The following CELF2 variants were observed in gnomAD, a reference collection of about 807,000 sequenced individuals.
CELF2 encodes the protein CUG triplet repeat RNA-binding protein 2.
A neutral mutation model predicts 62.6 loss-of-function variants in CELF2; 8 were observed. The ratio of observed to expected loss-of-function variants is 0.13; its 90% CI spans 0.07 to 0.23. The LOEUF (loss-of-function observed/expected upper bound fraction) is 0.23. CELF2 is among the 10% of genes least tolerant of loss of function. CELF2 has a pLI of 1.00. For synonymous variants in CELF2, 258 were observed against 250.0 expected, an observed-to-expected ratio of 1.03 and a Z score of -0.30; for missense variants, 333 against 671.0, an observed-to-expected ratio of 0.50 and a Z score of 5.56.
intron 1 of CELF2, among the ~76,000 whole-genome samples, chr10:10,909,095 T>C (rs943363753): frequency 2.0e-5 from 3 of 152,224 alleles, no homozygotes; most frequent in African/African-American, 7.2e-5. Context: ...TGGCCGCTGG[T>C]GCATTTTTTA....
chr10:10,671,823 G>A, the CELF2 span, among the ~76,000 whole-genome samples: 4 of 151,896 alleles, frequency 2.6e-5, no homozygotes, highest in Admixed American at 2.0e-4. Flanking sequence ...TCTGCCTCCC[G>A]AGTTCAAGTG....
intron 9 of CELF2, among the ~76,000 whole-genome samples, chr10:11,313,622 A>T (rs2094710075): frequency 6.6e-6 from 1 of 152,202 alleles, no homozygotes. Context: ...AAGTGCTACC[A>T]CACACTTAAA....
intron 1 of CELF2, among the ~76,000 whole-genome samples, chr10:11,123,937 GAA>G (rs1305639460): frequency 6.6e-6 from 1 of 152,096 alleles, no homozygotes; most frequent in Non-Finnish European, 1.5e-5. Flanking sequence ...AATTTATAAA[GAA>G]AAAGAGGTTT....
intron 1 of CELF2, among the ~76,000 whole-genome samples, chr10:10,915,702 C>T (rs148223786): frequency 0.069 from 10,504 of 152,162 alleles, 488 homozygotes; most frequent in Middle Eastern, 0.16. Context: ...CCCAAAGTGC[C>T]GGGATTATAG....
chr10:11,070,595 C>T (rs2069614195), intron 1 of CELF2, among the ~76,000 whole-genome samples: 1 of 152,000 alleles, frequency 6.6e-6, no homozygotes, highest in South Asian at 2.1e-4. Flanking sequence ...CATCTTGAGT[C>T]GTGAAAATCT....
the CELF2 span, among the ~76,000 whole-genome samples, chr10:10,777,181 C>A: frequency 1.6e-4 from 25 of 152,100 alleles, no homozygotes; most frequent in African/African-American, 5.8e-4. Flanking sequence ...ACCAGAAAAC[C>A]CTCTTCCACT....
chr10:10,948,042 AC>A (rs1430600337), intron 2 of CELF2, among the ~76,000 whole-genome samples: 1 of 152,172 alleles, frequency 6.6e-6, no homozygotes, highest in Non-Finnish European at 1.5e-5. Flanking sequence ...AGAAATTTAA[AC>A]ATTCCAGAGG....
intron 1 of CELF2, among the ~76,000 whole-genome samples, chr10:10,847,638 AT>A (rs2059102462): frequency 6.6e-6 from 1 of 152,210 alleles, no homozygotes; most frequent in Non-Finnish European, 1.5e-5. Flanking sequence ...GTTCTAGTGT[AT>A]TTTAAAAGGT....
the CELF2 span, among the ~76,000 whole-genome samples, chr10:10,558,222 T>C: frequency 7.2e-5 from 11 of 152,186 alleles, no homozygotes; most frequent in Admixed American, 6.5e-4. Context: ...AATACCTAAT[T>C]TATTGAGAGT....
chr10:11,265,887 G>A (rs1474170488), intron 5 of CELF2, among the ~76,000 whole-genome samples: 1 of 152,176 alleles, frequency 6.6e-6, no homozygotes, highest in Non-Finnish European at 1.5e-5. Context: ...AAGTCTTGAA[G>A]ATTTTATGCA....
intron 1 of CELF2, among the ~76,000 whole-genome samples, chr10:11,067,980 G>T (rs1010383823): frequency 6.6e-6 from 1 of 152,188 alleles, no homozygotes; most frequent in Non-Finnish European, 1.5e-5. Context: ...GGATCACACA[G>T]TAGGGGATGG....
At chr10:11,307,716 T>C (rs1277375581) in intron 9 of CELF2, among the ~76,000 whole-genome samples, 1 of 152,204 alleles carries the variant, frequency 6.6e-6, no homozygotes, top group Non-Finnish European at 1.5e-5. Context: ...TTGTTTTGTG[T>C]TTTGTTTTTA....
chr10:10,524,792 T>G, the CELF2 span, among the ~76,000 whole-genome samples: 4 of 152,182 alleles, frequency 2.6e-5, no homozygotes, highest in African/African-American at 7.2e-5. Context: ...TTGGATGAAA[T>G]GAGTTTTTGT....
chr10:11,283,940 G>GGTGGATGATGGATAAGTGTCTGGTGA (rs2090032707), intron 8 of CELF2, among the ~76,000 whole-genome samples: 1 of 149,156 alleles, frequency 6.7e-6, no homozygotes, highest in Admixed American at 6.7e-5. Flanking sequence ...GTGTGTGGTG[G>GGTGGATGATGGATAAGTGTCTGGTGA]GTGGATGAGG....
At chr10:10,750,504 A>G in the CELF2 span, among the ~76,000 whole-genome samples, 1 of 152,246 alleles carries the variant, frequency 6.6e-6, no homozygotes, top group Non-Finnish European at 1.5e-5. Flanking sequence ...CACTCTTTTA[A>G]GTATTTTAAC....
At chr10:10,533,680 A>C in the CELF2 span, among the ~76,000 whole-genome samples, 1 of 152,224 alleles carries the variant, frequency 6.6e-6, no homozygotes, top group Non-Finnish European at 1.5e-5. Flanking sequence ...GCACATTAGG[A>C]AGAAAGAATC....
intron 1 of CELF2, among the ~76,000 whole-genome samples, chr10:11,022,264 G>A (rs1291061484): frequency 6.6e-6 from 1 of 152,286 alleles, no homozygotes; most frequent in Non-Finnish European, 1.5e-5. Flanking sequence ...GCTGCTTTCC[G>A]AGAGGAAGAA....
At chr10:11,104,448 T>C (rs1441284479) in intron 1 of CELF2, among the ~76,000 whole-genome samples, 1 of 152,186 alleles carries the variant, frequency 6.6e-6, no homozygotes, top group East Asian at 1.9e-4. Flanking sequence ...CCTAACACTT[T>C]GGAAGGCCAA....
intron 1 of CELF2, among the ~76,000 whole-genome samples, chr10:11,036,697 A>G (rs1194896424): frequency 6.6e-6 from 1 of 152,234 alleles, no homozygotes; most frequent in Non-Finnish European, 1.5e-5. Context: ...CCCTGGATCT[A>G]CTATTCCATT....
Sources: gnomAD v4.1 joint callset for allele counts (sites outside exome capture counted in the v4.1 genomes callset) on GRCh38, gnomAD v4.1.1 for gene constraint, MANE v1.5 for transcripts, NCBI Gene and HGNC (gene_info 2026-07-23, HGNC 2026-07-21) for gene names.